SLIT3: variants seen among roughly 807,000 people sequenced by gnomAD.
The protein encoded by SLIT3 is slit guidance ligand 3, also known as slit homolog 3 protein.
Under a neutral mutation model 184.0 loss-of-function variants are expected in SLIT3, and 68 were observed. That is an observed-to-expected ratio of 0.37 (90% CI 0.30 to 0.45). The LOEUF is 0.45. SLIT3 is among the 20% of genes least tolerant of loss of function. The pLI is 1.00. For synonymous variants in SLIT3, 831 were observed against 828.6 expected, an observed-to-expected ratio of 1.00 and a Z score of -0.05; for missense variants, 1,707 against 2,026.0, an observed-to-expected ratio of 0.84 and a Z score of 3.02.
Position 169,088,129 on chromosome 5 carries a change from A to G in SLIT3, c.413+105350T>C, listed in dbSNP as rs147536315. Among the ~76,000 whole-genome samples the G allele has an allele frequency of 4.3e-3, 654 of 152,320 alleles. 2 individuals carry two copies. The highest frequency in any genetic ancestry group is 0.015 in the African/African-American group (631 of 41,578). On this transcript the variant is annotated intron_variant, in intron 4 of 35. Coordinates refer to ENST00000519560, the MANE Select transcript of SLIT3 (RefSeq NM_003062.4). Reference sequence around the variant, plus strand: ...CTGTTTTCTTGGCCAATTACTCTCCAGATTCTCTAAAGTAGGAAACAAAGG... The same window carrying G: ...CTGTTTTCTTGGCCAATTACTCTCCGGATTCTCTAAAGTAGGAAACAAAGG...
intron 4 of SLIT3, chr5:169,018,286 C>G (rs1290350038): frequency 2.0e-5 from 3 of 152,202 alleles, no homozygotes; most frequent in Non-Finnish European, 4.4e-5. Context: ...GGGAGTGAAC[C>G]AAAGCCGGCG....
chr5:168,768,133 T>A, intron 14 of SLIT3: 1 of 499,690 alleles, frequency 2.0e-6, no homozygotes, highest in African/African-American at 1.9e-5. Flanking sequence ...GTGGCGGCGG[T>A]GGCGGGCCAT....
chr5:169,068,087 C>A (rs1004730547), intron 4 of SLIT3, among the ~76,000 whole-genome samples: 1 of 152,132 alleles, frequency 6.6e-6, no homozygotes, highest in African/African-American at 2.4e-5. Context: ...GTAATATAAA[C>A]TAGTGAACTG....
At chr5:168,938,037 T>TTA (rs1399238359) in intron 4 of SLIT3, among the ~76,000 whole-genome samples, 1 of 152,208 alleles carries the variant, frequency 6.6e-6, no homozygotes, top group Non-Finnish European at 1.5e-5. Flanking sequence ...ATCTGTATAT[T>TTA]TATTACATTA....
At chr5:168,892,915 A>T (rs1249390886) in intron 4 of SLIT3, among the ~76,000 whole-genome samples, 1 of 152,204 alleles carries the variant, frequency 6.6e-6, no homozygotes, top group Non-Finnish European at 1.5e-5. Context: ...AGCTCTCATT[A>T]TCAGCCCAAT....
intron 3 of SLIT3, among the ~76,000 whole-genome samples, chr5:169,214,533 A>AGGT (rs1468639168): frequency 3.3e-5 from 5 of 152,100 alleles, no homozygotes; most frequent in Non-Finnish European, 5.9e-5. Flanking sequence ...CCCAAAGGGG[A>AGGT]GGTGCGGCAA....
intron 20 of SLIT3, among the ~76,000 whole-genome samples, chr5:168,735,799 T>C (rs548877984): frequency 6.6e-6 from 1 of 152,084 alleles, no homozygotes; most frequent in Non-Finnish European, 1.5e-5. Context: ...ATTTCTAAAA[T>C]GAGAATTGGA....
intron 5 of SLIT3, among the ~76,000 whole-genome samples, chr5:168,856,978 G>GA (rs1404706200): frequency 6.6e-6 from 1 of 152,000 alleles, no homozygotes; most frequent in Non-Finnish European, 1.5e-5. Flanking sequence ...CTGGGGAAGG[G>GA]ATGGTGGGGG....
chr5:168,904,703 T>C (rs1327962868), intron 4 of SLIT3, among the ~76,000 whole-genome samples: 1 of 152,118 alleles, frequency 6.6e-6, no homozygotes, highest in African/African-American at 2.4e-5. Context: ...CTGATAGACA[T>C]GTGTGTGCAA....
intron 4 of SLIT3, among the ~76,000 whole-genome samples, chr5:168,895,562 C>T (rs1326230759): frequency 1.3e-5 from 2 of 152,172 alleles, no homozygotes; most frequent in East Asian, 3.8e-4. Flanking sequence ...AAGAGCTCAG[C>T]ACCCTGAGTT....
At chr5:168,884,739 C>T (rs868665799) in intron 4 of SLIT3, among the ~76,000 whole-genome samples, 40 of 151,266 alleles carry the variant, frequency 2.6e-4, no homozygotes, top group African/African-American at 9.5e-4. Context: ...CTATATGGGT[C>T]CCAAATTGTT....
At chr5:168,681,594 G>A (rs554903677) in intron 32 of SLIT3, among the ~76,000 whole-genome samples, 1 of 152,210 alleles carries the variant, frequency 6.6e-6, no homozygotes, top group South Asian at 2.1e-4. Flanking sequence ...GTCTCTCCAG[G>A]GCCACCTACC....
intron 5 of SLIT3, among the ~76,000 whole-genome samples, chr5:168,848,093 T>C (rs527586254): frequency 1.3e-5 from 2 of 152,316 alleles, no homozygotes; most frequent in African/African-American, 2.4e-5. Flanking sequence ...AATCTTTGCT[T>C]CTTATCATGC....
intron 4 of SLIT3, among the ~76,000 whole-genome samples, chr5:168,932,738 C>T (rs1038218692): frequency 9.2e-5 from 14 of 152,178 alleles, no homozygotes; most frequent in Non-Finnish European, 1.3e-4. Context: ...ATCTGTAAAA[C>T]GGGAATGCCT....
chr5:168,955,470 C>T (rs1474584273), intron 4 of SLIT3, among the ~76,000 whole-genome samples: 1 of 152,156 alleles, frequency 6.6e-6, no homozygotes, highest in Non-Finnish European at 1.5e-5. Context: ...TCAGCCTGTT[C>T]ACTCGTTCAG....
In SLIT3 at chr5:169,262,880, G is replaced by C. The variant is rs540588370; in HGVS notation, c.198-11421C>G. ...GTCCTGCGTCCATTTAAATCCTACT[G>C]CTCTGTTATGGGCTGAATTGTGTGC... On this transcript the variant is annotated intron_variant, in intron 1 of 35. Coordinates refer to ENST00000519560, the MANE Select transcript of SLIT3 (RefSeq NM_003062.4). 6.6e-5 allele frequency among the ~76,000 whole-genome samples: 10 copies of C among 152,272 alleles called. No homozygotes were observed. In the East Asian group the frequency reaches 1.9e-3, roughly 29 times the overall value.
At chr5:168,886,150 T>A (rs932400192) in intron 4 of SLIT3, among the ~76,000 whole-genome samples, 1 of 152,234 alleles carries the variant, frequency 6.6e-6, no homozygotes, top group East Asian at 1.9e-4. Context: ...GACAATCTGC[T>A]TGTAAATTTT....
chr5:169,167,938 T>C (rs557318072), intron 4 of SLIT3, among the ~76,000 whole-genome samples: 11 of 152,334 alleles, frequency 7.2e-5, no homozygotes, highest in African/African-American at 2.6e-4. Flanking sequence ...CGTTTCCCCT[T>C]ACTCCTCCTG....
At chr5:169,230,868 G>A (rs1277882422) in intron 3 of SLIT3, among the ~76,000 whole-genome samples, 1 of 151,968 alleles carries the variant, frequency 6.6e-6, no homozygotes, top group East Asian at 1.9e-4. Context: ...ATCTTAAAAA[G>A]TTTTCAGTCA....
Sources: allele counts gnomAD v4.1 joint callset (sites outside exome capture counted in the v4.1 genomes callset), GRCh38; gene constraint gnomAD v4.1.1; transcripts MANE v1.5; gene names NCBI Gene and HGNC (gene_info 2026-07-23, HGNC 2026-07-21).